INSYN2A: variants seen among roughly 807,000 people sequenced by gnomAD.
INSYN2A encodes inhibitory synaptic factor 2A.
In INSYN2A, 17 loss-of-function variants were observed where a neutral mutation model predicts 39.4. The ratio of observed to expected loss-of-function variants is 0.43; its 90% CI spans 0.30 to 0.65. INSYN2A has a LOEUF of 0.65. INSYN2A is among the 30% of genes least tolerant of loss of function. The pLI is 0.14. For missense variants in INSYN2A, 595 were observed against 631.2 expected (o/e 0.94, Z 0.61); for synonymous variants, 255 against 265.7 (o/e 0.96, Z 0.39).
chr10:127,192,515 A>G (rs1475246453), intron 2 of INSYN2A, 90 bp downstream of exon 2: 1 of 152,160 alleles, frequency 6.6e-6, no homozygotes, highest in Non-Finnish European at 1.5e-5. Context: ...ATCTTTATAC[A>G]CCTCAAAGTC....
intron 2 of INSYN2A, among the ~76,000 whole-genome samples, chr10:127,191,729 C>T (rs766217629): frequency 6.6e-6 from 1 of 152,266 alleles, no homozygotes; most frequent in Non-Finnish European, 1.5e-5. Flanking sequence ...TAGGATATAG[C>T]CCCATGCTGC....
chr10:127,190,590 TA>T (rs2056650051), intron 2 of INSYN2A, among the ~76,000 whole-genome samples: 1 of 143,946 alleles, frequency 6.9e-6, no homozygotes, highest in Non-Finnish European at 1.5e-5. Context: ...ACGTAAGAGA[TA>T]ATGAAAAACT....
chr10:127,166,938 G>T (rs535278424), intron 4 of INSYN2A, among the ~76,000 whole-genome samples: 15 of 151,824 alleles, frequency 9.9e-5, no homozygotes, highest in Non-Finnish European at 2.1e-4. Context: ...GGCTGAGGAG[G>T]TATTTGAAAT....
At position 127,164,371 on chromosome 10, in the gene INSYN2A, C is replaced by T. The variant is rs758859764; in HGVS notation, c.1185-10448G>A. Reference sequence around the variant, plus strand: ...ACTAATTTTTGTATTTTTGTAGACACGGGATTTCACCATGTTGGCCAGGCT... The same window carrying T: ...ACTAATTTTTGTATTTTTGTAGACATGGGATTTCACCATGTTGGCCAGGCT... On this transcript the variant is annotated intron_variant, in intron 4 of 5. Coordinates refer to ENST00000522781, the MANE Select transcript of INSYN2A (RefSeq NM_001039762.3). Among the ~76,000 whole-genome samples the T allele has an allele frequency of 7.1e-4, 107 of 151,766 alleles. 1 individual carries two copies. The highest frequency in any genetic ancestry group is 3.4e-3 in the Middle Eastern group (1 of 294).
chr10:127,176,083 C>A lies in INSYN2A; in HGVS notation c.313G>T (p.Val105Leu). 1.2e-6 allele frequency: 2 copies of A among 1,614,106 alleles called. No individual in the cohort carries two copies. Among genetic ancestry groups the A allele is most frequent in the Non-Finnish European group, 1.7e-6 (2 of 1,180,030 alleles). ...TTCTTAAGGTCGGGCGAGGTCTGCA[C>A]GCCTGTGCTCTTGGTGACGTTGGGG... ...SIPNVTKSTGVQTSPDLKKCY... is the reference protein window; with the variant it reads ...SIPNVTKSTGLQTSPDLKKCY... Residue 105 changes from valine to leucine, a missense_variant, in exon 4 of 6, where the codon GTG becomes TTG. Physicochemically the swap from Val to Leu is conservative, Grantham distance 32. Coordinates refer to ENST00000522781, the MANE Select transcript of INSYN2A (RefSeq NM_001039762.3). This position sits in a 1 kb window ranked among gnomAD's most constrained non-coding sequence, Gnocchi z 4.4.
chr10:127,144,866 G>A (rs540137281), intron 5 of INSYN2A, among the ~76,000 whole-genome samples: 132 of 152,098 alleles, frequency 8.7e-4, no homozygotes, highest in Non-Finnish European at 1.4e-3. Flanking sequence ...CAGAATAAAT[G>A]GCTAATCCAT....
At chr10:127,143,648 C>T (rs2051495013) in intron 5 of INSYN2A, among the ~76,000 whole-genome samples, 1 of 152,136 alleles carries the variant, frequency 6.6e-6, no homozygotes, top group Non-Finnish European at 1.5e-5. Flanking sequence ...GCCAACTTGG[C>T]CGGTTTTATG....
chr10:127,165,659 G>T (rs1479676893), intron 4 of INSYN2A, among the ~76,000 whole-genome samples: 2 of 152,124 alleles, frequency 1.3e-5, no homozygotes, highest in East Asian at 3.9e-4. Context: ...GAGGAAGGAA[G>T]AGCCAGACAG....
At chr10:127,155,780 A>G (rs1402762250) in intron 4 of INSYN2A, among the ~76,000 whole-genome samples, 2 of 152,112 alleles carry the variant, frequency 1.3e-5, no homozygotes, top group African/African-American at 2.4e-5. Context: ...TCCATCAGCT[A>G]ATTCTACTGG....
intron 5 of INSYN2A, among the ~76,000 whole-genome samples, chr10:127,142,042 A>G (rs2483853): frequency 0.47 from 70,767 of 152,132 alleles, 18,618 homozygotes; most frequent in Middle Eastern, 0.65. Context: ...GTGAGTGACC[A>G]GCTACCACAG....
chr10:127,139,193 A>G (rs768697852), intron 5 of INSYN2A, among the ~76,000 whole-genome samples: 5 of 152,176 alleles, frequency 3.3e-5, no homozygotes, highest in Non-Finnish European at 7.3e-5. Context: ...ACCGTAAACC[A>G]TTTATAAACA....
At chr10:127,174,902 T>C (rs1302181789) in intron 4 of INSYN2A, among the ~76,000 whole-genome samples, 2 of 152,220 alleles carry the variant, frequency 1.3e-5, no homozygotes, top group African/African-American at 2.4e-5. Flanking sequence ...TTATACATTA[T>C]CAATATCATA....
chr10:127,148,653 C>T (rs532911053), intron 5 of INSYN2A, among the ~76,000 whole-genome samples: 64 of 152,032 alleles, frequency 4.2e-4, no homozygotes, highest in African/African-American at 1.2e-3. Context: ...CAGATTAGTC[C>T]GACAAAAGAA....
chr10:127,183,154 T>G (rs923279285), intron 2 of INSYN2A, among the ~76,000 whole-genome samples: 18 of 151,988 alleles, frequency 1.2e-4, no homozygotes, highest in African/African-American at 4.1e-4. Flanking sequence ...GGACATTGAT[T>G]TTTTCCCCCC....
intron 5 of INSYN2A, among the ~76,000 whole-genome samples, chr10:127,143,288 G>A (rs1466342606): frequency 1.3e-5 from 2 of 152,142 alleles, no homozygotes; most frequent in African/African-American, 4.8e-5. Flanking sequence ...TTTGTCTTTG[G>A]GGTCTCTAGC....
chr10:127,172,537 T>C (rs1053509287), intron 4 of INSYN2A, among the ~76,000 whole-genome samples: 1 of 152,082 alleles, frequency 6.6e-6, no homozygotes, highest in Non-Finnish European at 1.5e-5. Flanking sequence ...AAATTTGAAT[T>C]TCAGCCAAAT....
At chr10:127,167,502 T>TC (rs973804556) in intron 4 of INSYN2A, among the ~76,000 whole-genome samples, 3 of 151,862 alleles carry the variant, frequency 2.0e-5, no homozygotes, top group South Asian at 4.2e-4. Context: ...GCAGCGAGGT[T>TC]CCCCCCCGCC....
At chr10:127,152,010 CAT>C (rs71746119) in intron 5 of INSYN2A, among the ~76,000 whole-genome samples, 124,280 of 145,434 alleles carry the variant, frequency 0.85, 51,711 homozygotes, top group South Asian at 0.92. Flanking sequence ...ACAGTGTTCA[CAT>C]ATATATATAT....
At chr10:127,191,850 T>G (rs1158699474) in intron 2 of INSYN2A, among the ~76,000 whole-genome samples, 1 of 152,214 alleles carries the variant, frequency 6.6e-6, no homozygotes, top group African/African-American at 2.4e-5. Flanking sequence ...GATATAGCTG[T>G]GATCATCTCT....
Sources: allele counts gnomAD v4.1 joint callset (sites outside exome capture counted in the v4.1 genomes callset), GRCh38; gene constraint gnomAD v4.1.1; non-coding constraint Gnocchi (gnomAD v3.1); transcripts MANE v1.5; gene names NCBI Gene and HGNC (gene_info 2026-07-23, HGNC 2026-07-21).